The following FRRS1L variants were observed in gnomAD, a reference collection of about 807,000 sequenced individuals.
FRRS1L encodes the protein DOMON domain-containing protein FRRS1L.
Under a neutral mutation model 28.6 loss-of-function variants are expected in FRRS1L, and 22 were observed. The ratio of observed to expected loss-of-function variants is 0.77; its 90% CI spans 0.55 to 1.10. FRRS1L has a LOEUF of 1.10. FRRS1L is among the 50% of genes least tolerant of loss of function. FRRS1L has a pLI of 0.00. For synonymous variants in FRRS1L, 158 were observed against 151.4 expected (o/e 1.04, Z -0.32); for missense variants, 380 against 386.9 (o/e 0.98, Z 0.15).
intron 3 of FRRS1L, 63 bp downstream of exon 3, chr9:109,146,988 A>C (rs979167650): frequency 6.8e-7 from 1 of 1,478,510 alleles, no homozygotes; most frequent in Non-Finnish European, 9.4e-7. Context: ...CTTGCTTCTA[A>C]AATCAAAATA....
At chr9:109,152,577 G>A (rs1015070368) in intron 1 of FRRS1L, among the ~76,000 whole-genome samples, 8 of 151,376 alleles carry the variant, frequency 5.3e-5, no homozygotes, top group Non-Finnish European at 2.9e-5. Flanking sequence ...GGCCAAGGTG[G>A]GCAGATCATG....
At chr9:109,137,878 T>C (rs1264144207) in intron 4 of FRRS1L, 1 of 219,792 alleles carries the variant, frequency 4.5e-6, no homozygotes, top group African/African-American at 2.3e-5. Context: ...ATCAGAACAA[T>C]GCTGTTGATC....
At chr9:109,138,412 G>C (rs1325576636) in intron 4 of FRRS1L, 3 of 152,186 alleles carry the variant, frequency 2.0e-5, no homozygotes, top group Non-Finnish European at 4.4e-5. Context: ...ACTTGGGTTA[G>C]GGAGACTAAG....
chr9:109,141,109 T>C (rs932234326), intron 4 of FRRS1L: 16 of 575,138 alleles, frequency 2.8e-5, no homozygotes, highest in Non-Finnish European at 4.0e-5. Flanking sequence ...TGACATACTA[T>C]CTTGTACTGC....
chr9:109,167,067 G>C lies in FRRS1L; in HGVS notation c.72C>G (p.Ala24=). The C allele has an allele frequency of 3.4e-6, 4 of 1,178,416 alleles. No homozygotes were observed. Among genetic ancestry groups the C allele is most frequent in the Non-Finnish European group, 4.2e-6 (4 of 957,582 alleles). 73.0% of individuals were successfully genotyped at this position (1,178,416 alleles called of 1,614,324 possible). The change falls in exon 1 of 5, where the codon GCC becomes GCG. Residue 24 remains alanine, a synonymous_variant. Coordinates refer to ENST00000561981, the MANE Select transcript of FRRS1L (RefSeq NM_014334.4). The part of the protein sequence containing the change: ...SLLLLLLTGP[A]ACAASPADDG... ...CGTCCGCGGGGCTGGCTGCGCAGGC[G>C]GCGGGCCCCGTCAGTAGCAGCAGGA...
In FRRS1L at chr9:109,149,629, C is replaced by T. The variant is rs757162007; in HGVS notation, c.323+7G>A. On this transcript the variant is annotated splice_region_variant and intron_variant, in intron 2 of 4. Coordinates refer to ENST00000561981, the MANE Select transcript of FRRS1L (RefSeq NM_014334.4). The stretch of plus-strand genomic sequence containing the variant: ...CTTAAAGTTATCCAACCTGCAGTTC[C>T]ACCAACCTAAAGCATCCCTTAGTTT... 1.3e-4 allele frequency: 202 copies of T among 1,597,212 alleles called. 1 individual carries two copies. The East Asian group carries it at 4.2e-3, about 33-fold the overall frequency.
intron 1 of FRRS1L, among the ~76,000 whole-genome samples, chr9:109,154,878 C>T (rs922384099): frequency 6.6e-6 from 1 of 152,218 alleles, no homozygotes; most frequent in Non-Finnish European, 1.5e-5. Context: ...GTAAGGTTCT[C>T]ATCTCAGTCC....
At chr9:109,145,195 A>C (rs1050526499) in intron 3 of FRRS1L, among the ~76,000 whole-genome samples, 4 of 152,198 alleles carry the variant, frequency 2.6e-5, no homozygotes, top group African/African-American at 9.6e-5. Flanking sequence ...TCCAGAGGAA[A>C]GAGAGAAAAA....
intron 1 of FRRS1L, among the ~76,000 whole-genome samples, chr9:109,157,578 A>G (rs902917755): frequency 1.3e-5 from 2 of 152,018 alleles, no homozygotes; most frequent in African/African-American, 2.4e-5. Context: ...TGTAGGGAAT[A>G]TGTTGCCCAG....
Position 109,132,197 on chromosome 9 carries a change from G to C in FRRS1L, c.*5258C>G, listed in dbSNP as rs567802086. On this transcript the variant is annotated 3_prime_UTR_variant, in exon 5 of 5. Coordinates refer to ENST00000561981, the MANE Select transcript of FRRS1L (RefSeq NM_014334.4). ...TCACCGTGTCAGCCAGGATGGTCTCGATCTCCTGATCTCGTGATCCGCCCA... is the reference window on the plus strand; with the variant it reads ...TCACCGTGTCAGCCAGGATGGTCTCCATCTCCTGATCTCGTGATCCGCCCA... 1.3e-5 allele frequency: 2 copies of C among 152,098 alleles called. No individual in the cohort carries two copies. Among genetic ancestry groups the C allele is most frequent in the Admixed American group, 1.3e-4 (2 of 15,270 alleles). The allele number at this position is 152,098 out of a possible 1,614,324, so 9.4% of individuals were successfully genotyped here.
At chr9:109,166,774 A>C (rs1831555977) in intron 1 of FRRS1L, 127 bp downstream of exon 1, 1 of 480,784 alleles carries the variant, frequency 2.1e-6, no homozygotes, top group East Asian at 4.0e-5. Flanking sequence ...CCTCTGCAAG[A>C]GCTGCCTCCA....
intron 1 of FRRS1L, among the ~76,000 whole-genome samples, chr9:109,165,462 C>T (rs575719607): frequency 2.8e-4 from 43 of 152,286 alleles, no homozygotes; most frequent in African/African-American, 2.9e-4. Context: ...AATGACCTTG[C>T]GGAACAGAGT....
Position 109,141,544 on chromosome 9 carries a change from C to A in FRRS1L, c.508G>T (p.Val170Phe). The A allele has an allele frequency of 6.2e-7, 1 of 1,614,066 alleles. No individual in the cohort carries two copies. The part of the protein sequence containing the change: ...MACVHDDNGR[V>F]RIQHFYNVGQ... ...ACATTATAGAAGTGCTGTATGCGGA[C>A]CCTGCCATTGTCATCATGGACGCAG... The change falls in exon 4 of 5, where the codon GTC (valine) becomes TTC (phenylalanine). Residue 170 changes from valine to phenylalanine, a missense_variant. Val to Phe is a conservative substitution (Grantham distance 50). Transcript: ENST00000561981.
At chr9:109,157,673 C>G (rs1258466660) in intron 1 of FRRS1L, among the ~76,000 whole-genome samples, 4 of 152,168 alleles carry the variant, frequency 2.6e-5, no homozygotes, top group African/African-American at 9.7e-5. Context: ...TTTGATTTTT[C>G]AATACCAAGG....
In FRRS1L at chr9:109,136,666, G is replaced by A. The variant is rs1275817226; in HGVS notation, c.*789C>T. ...CTCCCGAATAGCTGGGATTATAGGTGTGCACCACCACGCCTGGCTCATTTT... is the reference window on the plus strand; with the variant it reads ...CTCCCGAATAGCTGGGATTATAGGTATGCACCACCACGCCTGGCTCATTTT... On this transcript the variant is annotated 3_prime_UTR_variant, in exon 5 of 5. Transcript: ENST00000561981. 1 of 152,060 alleles carries A rather than the reference G, an allele frequency of 6.6e-6. No individual in the cohort carries two copies. Among genetic ancestry groups the A allele is most frequent in the African/African-American group, 2.4e-5 (1 of 41,374 alleles). 9.4% of individuals were successfully genotyped at this position (152,060 alleles called of 1,614,324 possible).
chr9:109,148,314 A>G (rs1033337848), intron 2 of FRRS1L: 13 of 152,286 alleles, frequency 8.5e-5, no homozygotes, highest in African/African-American at 3.1e-4. Flanking sequence ...TGCTGCTAAT[A>G]TAATTACAAA....
rs1490401982 is a variant in FRRS1L at position 109,130,809 on chromosome 9, A to T, written c.*6646T>A. ...CATGGCCAGGGCCTTCTATGTGATGAAACAGGTAGGATTCTAGTGACCTGG... is the reference window on the plus strand; with the variant it reads ...CATGGCCAGGGCCTTCTATGTGATGTAACAGGTAGGATTCTAGTGACCTGG... On this transcript the variant is annotated 3_prime_UTR_variant, in exon 5 of 5. Coordinates refer to ENST00000561981, the MANE Select transcript of FRRS1L (RefSeq NM_014334.4). 6.6e-6 allele frequency: 1 copy of T among 152,220 alleles called. No individual in the cohort carries two copies. Among genetic ancestry groups the T allele is most frequent in the Non-Finnish European group, 1.5e-5 (1 of 68,042 alleles). 9.4% of individuals were successfully genotyped at this position (152,220 alleles called of 1,614,324 possible).
chr9:109,154,630 A>G (rs564898311), intron 1 of FRRS1L, among the ~76,000 whole-genome samples: 1 of 152,194 alleles, frequency 6.6e-6, no homozygotes, highest in Non-Finnish European at 1.5e-5. Context: ...TGGAACACTC[A>G]TTATCAGTCT....
At chr9:109,151,348 G>A (rs1198429254) in intron 1 of FRRS1L, 2 of 152,972 alleles carry the variant, frequency 1.3e-5, no homozygotes, top group African/African-American at 2.4e-5. Context: ...TGGCAGGCAA[G>A]CAAGCGAAGC....
Sources: allele counts gnomAD v4.1 joint callset (sites outside exome capture counted in the v4.1 genomes callset), GRCh38; gene constraint gnomAD v4.1.1; transcripts MANE v1.5; gene names NCBI Gene and HGNC (gene_info 2026-07-23, HGNC 2026-07-21).